TEX9: variants seen among roughly 807,000 people sequenced by gnomAD.
TEX9 encodes the protein testis expressed 9.
Under a neutral mutation model 59.6 loss-of-function variants are expected in TEX9, and 74 were observed. That is an observed-to-expected ratio of 1.24 (90% confidence interval 1.03 to 1.51). TEX9 has a LOEUF of 1.51. Among genes scored for constraint, TEX9 ranks in the 40% most tolerant of loss-of-function variants. The probability of loss-of-function intolerance (pLI) is 0.00; values close to 1 mark genes in which losing one functional copy is unlikely to be tolerated. For missense variants in TEX9, 522 were observed against 447.8 expected (o/e 1.17, Z -1.49); for synonymous variants, 186 against 152.2 (o/e 1.22, Z -1.64).
intron 9 of TEX9, among the ~76,000 whole-genome samples, chr15:56,402,423 C>A (rs2048842825): frequency 6.6e-6 from 1 of 152,144 alleles, no homozygotes; most frequent in African/African-American, 2.4e-5. Context: ...TACACCCTCC[C>A]AAGACTAAAC....
intron 2 of TEX9, among the ~76,000 whole-genome samples, chr15:56,368,099 A>T (rs2047027375): frequency 6.6e-6 from 1 of 152,186 alleles, no homozygotes; most frequent in African/African-American, 2.4e-5. Context: ...TTTAATAATC[A>T]CTACATTTGA....
intron 12 of TEX9, among the ~76,000 whole-genome samples, chr15:56,436,719 TAACA>T (rs1208993148): frequency 6.6e-6 from 1 of 151,680 alleles, no homozygotes; most frequent in East Asian, 1.9e-4. Flanking sequence ...GCAAGACTCA[TAACA>T]AAGAAAAGAG....
chr15:56,282,997 TAGAG>T (rs2044852630), intron 1 of TEX9, among the ~76,000 whole-genome samples: 1 of 151,300 alleles, frequency 6.6e-6, no homozygotes, highest in Admixed American at 6.6e-5. Context: ...TTTGTGAAAA[TAGAG>T]GGGGAGAATA....
chr15:56,431,634 AATAT>A (rs1398658360), intron 12 of TEX9: 6 of 610,838 alleles, frequency 9.8e-6, no homozygotes. Context: ...GATTCTAGAT[AATAT>A]ATATTTTTAA....
At chr15:56,340,498 A>G (rs1415205948) in intron 1 of TEX9, among the ~76,000 whole-genome samples, 1 of 152,214 alleles carries the variant, frequency 6.6e-6, no homozygotes, top group Non-Finnish European at 1.5e-5. Flanking sequence ...CATTTAAAAT[A>G]AGCCATTGCT....
At chr15:56,426,450 C>G (rs1478861530) in intron 10 of TEX9, among the ~76,000 whole-genome samples, 2 of 150,970 alleles carry the variant, frequency 1.3e-5, no homozygotes, top group South Asian at 2.1e-4. Flanking sequence ...AGAGCTCTCC[C>G]AAAGCTATTT....
At chr15:56,420,368 C>T (rs28874032) in intron 10 of TEX9, among the ~76,000 whole-genome samples, 11 of 151,258 alleles carry the variant, frequency 7.3e-5, no homozygotes, top group East Asian at 1.9e-4. Context: ...AGTGCAGTGG[C>T]GCAAACTTGG....
At chr15:56,437,484 T>C (rs567053542) in intron 12 of TEX9, among the ~76,000 whole-genome samples, 63 of 152,162 alleles carry the variant, frequency 4.1e-4, no homozygotes, top group African/African-American at 1.4e-3. Context: ...TAAGAGCTAT[T>C]TATGACAAAC....
chr15:56,386,965 T>C (rs1441419615), intron 4 of TEX9, among the ~76,000 whole-genome samples: 2 of 151,938 alleles, frequency 1.3e-5, no homozygotes, highest in Non-Finnish European at 2.9e-5. Context: ...TAAATAATTA[T>C]AATTAGGAAG....
chr15:56,450,502 A>G (rs371218950), downstream of TEX9, among the ~76,000 whole-genome samples: 2 of 152,228 alleles, frequency 1.3e-5, no homozygotes, highest in Admixed American at 1.3e-4. Flanking sequence ...AAGTGGAATT[A>G]TACAAGGAAT....
intron 12 of TEX9, chr15:56,444,647 G>C: frequency 6.2e-7 from 1 of 1,608,500 alleles, no homozygotes; most frequent in Non-Finnish European, 8.5e-7. Context: ...CTTCCATCAT[G>C]GTTTTGGCTA....
At chr15:56,359,591 A>C (rs992576815) in intron 1 of TEX9, among the ~76,000 whole-genome samples, 1 of 152,134 alleles carries the variant, frequency 6.6e-6, no homozygotes, top group Non-Finnish European at 1.5e-5. Context: ...ATGTATACAC[A>C]AATTTTGTTT....
At chr15:56,300,711 GAGAGA>G (rs1567077623) in intron 1 of TEX9, among the ~76,000 whole-genome samples, 14 of 54,436 alleles carry the variant, frequency 2.6e-4, no homozygotes, top group Non-Finnish European at 7.4e-4. Flanking sequence ...GAGAGAGGGA[GAGAGA>G]GAGAGAGAGA....
At chr15:56,319,850 C>T (rs192229637) in intron 1 of TEX9, among the ~76,000 whole-genome samples, 1 of 152,220 alleles carries the variant, frequency 6.6e-6, no homozygotes, top group East Asian at 1.9e-4. Flanking sequence ...AGTCAGTGGT[C>T]AGAAGACTGG....
chr15:56,431,264 A>C, intron 12 of TEX9: 1 of 1,306,622 alleles, frequency 7.7e-7, no homozygotes, highest in Non-Finnish European at 1.1e-6. Context: ...TTGCTGCTTC[A>C]TAACCGAGCA....
Position 56,366,905 on chromosome 15 carries a change from G to A in TEX9, c.119+1235G>A, listed in dbSNP as rs117779664. On this transcript the variant is annotated intron_variant, in intron 2 of 12. Transcript: ENST00000352903. Reference sequence around the variant, plus strand: ...TATCTTCTTCTCTCTGATGAAATGGGCCGATTATCCCAGTTCAAAAGTGTA... The same window carrying A: ...TATCTTCTTCTCTCTGATGAAATGGACCGATTATCCCAGTTCAAAAGTGTA... Among the ~76,000 whole-genome samples, 1,211 of 152,252 alleles carry A rather than the reference G, an allele frequency of 8.0e-3. 11 individuals are homozygous for A. The highest frequency in any genetic ancestry group is 0.018 in the South Asian group (86 of 4,822).
intron 2 of TEX9, among the ~76,000 whole-genome samples, chr15:56,369,662 A>C (rs755653476): frequency 1.3e-4 from 20 of 152,130 alleles, no homozygotes; most frequent in Non-Finnish European, 2.8e-4. Context: ...AATTGATGTG[A>C]TATTAAGTTT....
intron 1 of TEX9, among the ~76,000 whole-genome samples, chr15:56,344,770 CAA>C (rs2046436938): frequency 6.6e-6 from 1 of 151,892 alleles, no homozygotes; most frequent in Non-Finnish European, 1.5e-5. Flanking sequence ...ACAATGTATA[CAA>C]AGTCTAATGA....
chr15:56,289,095 T>G (rs2141492278), intron 1 of TEX9, among the ~76,000 whole-genome samples: 1 of 152,338 alleles, frequency 6.6e-6, no homozygotes. Flanking sequence ...TCAATCTCAT[T>G]GTTTAATTTC....
Sources: allele counts gnomAD v4.1 joint callset (sites outside exome capture counted in the v4.1 genomes callset), GRCh38; gene constraint gnomAD v4.1.1; transcripts MANE v1.5; gene names NCBI Gene and HGNC (gene_info 2026-07-23, HGNC 2026-07-21).